Variants in VPS54 observed in about 807,000 individuals in gnomAD.
The protein encoded by VPS54 is VPS54 subunit of GARP complex.
In VPS54, 45 loss-of-function variants were observed where a neutral mutation model predicts 121.5. The ratio of observed to expected loss-of-function variants is 0.37; its 90% CI spans 0.29 to 0.47. VPS54 has a LOEUF of 0.47. VPS54 is among the 20% of genes least tolerant of loss of function. The pLI, the probability that VPS54 is intolerant of heterozygous loss-of-function variation, is 0.99. For synonymous variants in VPS54, 371 were observed against 385.8 expected, an observed-to-expected ratio of 0.96 and a Z score of 0.45; for missense variants, 1,090 against 1,131.4, an observed-to-expected ratio of 0.96 and a Z score of 0.52.
chr2:63,898,596 T>C (rs1672541568), intron 21 of VPS54, among the ~76,000 whole-genome samples: 1 of 152,130 alleles, frequency 6.6e-6, no homozygotes, highest in South Asian at 2.1e-4. Context: ...AGCCACCCTC[T>C]GCTCCCAAAT....
chr2:63,964,631 T>C (rs1373948888), intron 6 of VPS54, among the ~76,000 whole-genome samples: 3 of 152,210 alleles, frequency 2.0e-5, no homozygotes, highest in Non-Finnish European at 2.9e-5. Flanking sequence ...GGTGACAATG[T>C]TGCCAAAGGA....
chr2:63,955,917 CAT>C (rs1675471650), intron 7 of VPS54, among the ~76,000 whole-genome samples: 1 of 152,052 alleles, frequency 6.6e-6, no homozygotes, highest in Admixed American at 6.5e-5. Flanking sequence ...CTAATAATCA[CAT>C]ACAGTAATTT....
In VPS54 at chr2:63,947,297, C is replaced by G. The variant is rs1675023763; in HGVS notation, c.1245+86G>C. ...ATAAATGAGCTATATTACTATTACA[C>G]TATATATATTATTACTAGGATAACA... On this transcript the variant is annotated intron_variant, in intron 9 of 22. Coordinates refer to ENST00000272322, the MANE Select transcript of VPS54 (RefSeq NM_016516.3). 3 of 1,241,294 alleles carry G rather than the reference C, an allele frequency of 2.4e-6. No individual in the cohort carries two copies. The African/African-American group carries it at 4.6e-5, about 19-fold the overall frequency. 76.9% of individuals were successfully genotyped at this position (1,241,294 alleles called of 1,614,324 possible).
At chr2:63,992,410 T>C (rs1291000748) in intron 1 of VPS54, among the ~76,000 whole-genome samples, 1 of 152,224 alleles carries the variant, frequency 6.6e-6, no homozygotes, top group Non-Finnish European at 1.5e-5. Flanking sequence ...GGACTCCGTC[T>C]CCGTCCAAAA....
intron 7 of VPS54, among the ~76,000 whole-genome samples, chr2:63,952,746 AT>A (rs1225725988): frequency 6.6e-6 from 1 of 152,202 alleles, no homozygotes; most frequent in Non-Finnish European, 1.5e-5. Flanking sequence ...CAGTAGACTA[AT>A]TTAGAATATT....
intron 1 of VPS54, among the ~76,000 whole-genome samples, chr2:63,992,870 C>A (rs962736585): frequency 4.6e-5 from 7 of 152,154 alleles, no homozygotes; most frequent in Non-Finnish European, 1.0e-4. Flanking sequence ...TTTTATTGTA[C>A]CATCTATCAA....
chr2:63,933,055 AAG>A (rs1474950089), intron 12 of VPS54, among the ~76,000 whole-genome samples: 6 of 152,164 alleles, frequency 3.9e-5, no homozygotes, highest in Non-Finnish European at 8.8e-5. Context: ...GAAAGAGAAA[AAG>A]AGAGGGAGGG....
chr2:63,920,321 C>T, intron 14 of VPS54, 125 bp downstream of exon 14: 1 of 872,768 alleles, frequency 1.1e-6, no homozygotes, highest in East Asian at 3.2e-5. Flanking sequence ...CACAATCTGC[C>T]TTTAATTAAA....
chr2:63,944,016 G>A (rs1385075234), intron 10 of VPS54, among the ~76,000 whole-genome samples: 2 of 151,278 alleles, frequency 1.3e-5, no homozygotes, highest in African/African-American at 4.9e-5. Flanking sequence ...ACAGGTGTGA[G>A]TCAATGCGCC....
chr2:63,896,000 T>G (rs1328738636), intron 22 of VPS54, among the ~76,000 whole-genome samples: 1 of 152,190 alleles, frequency 6.6e-6, no homozygotes, highest in Non-Finnish European at 1.5e-5. Context: ...TATTATTAGC[T>G]TTTTTTGAAC....
rs530519482 is a variant in VPS54, at chr2:64,010,722, A to T, written c.-21+8216T>A. ...AATCATAATTTTTAAAAATCTTTAA[A>T]TTTTTTTAAAATGCGTATCACATAT... On this transcript the variant is annotated intron_variant, in intron 1 of 22. Coordinates refer to ENST00000272322, the MANE Select transcript of VPS54 (RefSeq NM_016516.3). Among the ~76,000 whole-genome samples, 27 of 152,300 alleles carry T rather than the reference A, an allele frequency of 1.8e-4. 1 individual carries two copies. In the East Asian group the frequency reaches 4.2e-3, roughly 24 times the overall value.
At chr2:64,012,423 T>C (rs77957272) in intron 1 of VPS54, among the ~76,000 whole-genome samples, 1 of 145,812 alleles carries the variant, frequency 6.9e-6, no homozygotes, top group African/African-American at 2.6e-5. Flanking sequence ...CTAGCCTACT[T>C]CCAACAACGC....
At chr2:63,950,782 CT>C (rs560012100) in intron 7 of VPS54, among the ~76,000 whole-genome samples, 5 of 151,454 alleles carry the variant, frequency 3.3e-5, no homozygotes, top group African/African-American at 7.3e-5. Context: ...TTCTTTGTGG[CT>C]TTTTTTTTCC....
At chr2:63,976,823 C>CTTTTTT (rs1481086180) in intron 3 of VPS54, among the ~76,000 whole-genome samples, 3 of 68,040 alleles carry the variant, frequency 4.4e-5, no homozygotes, top group Admixed American at 1.9e-4. Flanking sequence ...CTTATATCTT[C>CTTTTTT]TCTTTTTTTT....
intron 16 of VPS54, among the ~76,000 whole-genome samples, chr2:63,916,340 C>T (rs72808240): frequency 0.034 from 5,104 of 152,178 alleles, 115 homozygotes; most frequent in Middle Eastern, 0.058. Flanking sequence ...TCTTAGTTAA[C>T]TTGAATTTGA....
intron 11 of VPS54, among the ~76,000 whole-genome samples, chr2:63,936,439 G>T (rs1674456079): frequency 6.6e-6 from 1 of 152,116 alleles, no homozygotes; most frequent in South Asian, 2.1e-4. Context: ...AAAACACCAG[G>T]ACAGCTAAGC....
Position 64,003,603 on chromosome 2 carries a change from T to C in VPS54, c.-21+15335A>G, listed in dbSNP as rs546724061. On this transcript the variant is annotated intron_variant, in intron 1 of 22. Transcript: ENST00000272322. ...TTATAGATGAATGAAATGGATGGTA[T>C]GTAGAACATATCAGAACAGACAGAC... 4.6e-5 allele frequency among the ~76,000 whole-genome samples: 7 copies of C among 152,236 alleles called. No homozygotes were observed. In the Middle Eastern group the frequency reaches 0.014, roughly 296 times the overall value.
At chr2:63,911,194 T>A (rs1253878776) in intron 20 of VPS54, among the ~76,000 whole-genome samples, 1 of 152,198 alleles carries the variant, frequency 6.6e-6, no homozygotes, top group Non-Finnish European at 1.5e-5. Context: ...TAGAATAGAA[T>A]TGCTTTTGAA....
intron 1 of VPS54, among the ~76,000 whole-genome samples, chr2:63,985,686 C>T (rs1022174134): frequency 0.067 from 4,086 of 61,116 alleles, 169 homozygotes; most frequent in African/African-American, 0.19. Flanking sequence ...ATTATACACA[C>T]ACACACACAC....
Sources: allele counts gnomAD v4.1 joint callset (sites outside exome capture counted in the v4.1 genomes callset), GRCh38; gene constraint gnomAD v4.1.1; transcripts MANE v1.5; gene names NCBI Gene and HGNC (gene_info 2026-07-23, HGNC 2026-07-21).